The following ZNF43 variants were observed in gnomAD, a reference collection of about 807,000 sequenced individuals.
ZNF43 encodes the protein zinc finger protein 39-like 1 (KOX 27).
In ZNF43, 44 loss-of-function variants were observed where a neutral mutation model predicts 68.4. The observed-to-expected ratio is 0.64, with a 90% CI of 0.51 to 0.83. ZNF43 has a LOEUF of 0.83. Ranked by LOEUF, ZNF43 falls within the 40% of genes least tolerant of loss-of-function variation. The pLI, the probability that ZNF43 is intolerant of heterozygous loss-of-function variation, is 0.00. For missense variants in ZNF43, 896 were observed against 933.2 expected (o/e 0.96, Z 0.52); for synonymous variants, 308 against 307.8 (o/e 1.00, Z -0.01).
At chr19:21,826,262 T>C (rs2038116055) in intron 1 of ZNF43, among the ~76,000 whole-genome samples, 1 of 152,138 alleles carries the variant, frequency 6.6e-6, no homozygotes. Flanking sequence ...AAGTTTCCTC[T>C]AGATTAAAGG....
chr19:21,807,581 T>C lies in ZNF43; in HGVS notation c.*26A>G. 1 of 1,507,558 alleles carries C rather than the reference T, an allele frequency of 6.6e-7. No homozygotes were observed. Among genetic ancestry groups the C allele is most frequent in the Non-Finnish European group, 8.9e-7 (1 of 1,128,910 alleles). The allele number at this position is 1,507,558 out of a possible 1,614,324, so 93.4% of individuals were successfully genotyped here. A position where few individuals can be genotyped will look rare whatever the true frequency, so the allele number is the denominator to read the frequency against. On this transcript the variant is annotated 3_prime_UTR_variant, in exon 4 of 4. Coordinates refer to ENST00000354959, the MANE Select transcript of ZNF43 (RefSeq NM_003423.4). ...TAAAGCCTTTATCACATTCTTTACATTTCTAGAATTTCTCACCAGTATAAT... is the reference window on the plus strand; with the variant it reads ...TAAAGCCTTTATCACATTCTTTACACTTCTAGAATTTCTCACCAGTATAAT...
chr19:21,808,272 T>A lies in ZNF43; in HGVS notation c.1765A>T (p.Thr589Ser). ...SNLTTHKKIH[T>S]GEKFYKCEEC... is the part of the protein sequence containing the mutation. Reference sequence around the variant, plus strand: ...TCACATTTGTAGAATTTCTCTCCAGTATGAATTTTCTTATGTGTAGTAAGG... The same window carrying A: ...TCACATTTGTAGAATTTCTCTCCAGAATGAATTTTCTTATGTGTAGTAAGG... Residue 589 changes from threonine to serine, a missense_variant, in exon 4 of 4, where the codon ACT (threonine) becomes TCT (serine). Transcript: ENST00000354959. 6.2e-7 allele frequency: 1 copy of A among 1,613,604 alleles called. No individual in the cohort carries two copies. The highest frequency in any genetic ancestry group is 8.5e-7 in the Non-Finnish European group (1 of 1,179,844).
chr19:21,834,353 A>AAG (rs2038581380), intron 1 of ZNF43, among the ~76,000 whole-genome samples: 1 of 145,946 alleles, frequency 6.9e-6, no homozygotes, highest in African/African-American at 2.5e-5. Flanking sequence ...AAAAAAAAAA[A>AAG]GTAAAGAAAA....
intron 3 of ZNF43, among the ~76,000 whole-genome samples, chr19:21,815,121 G>T (rs575056759): frequency 6.6e-6 from 1 of 151,752 alleles, no homozygotes; most frequent in East Asian, 1.9e-4. Context: ...CTGGAGGGGC[G>T]GAGGTTGCAG....
chr19:21,832,358 C>T (rs150508579), intron 1 of ZNF43, among the ~76,000 whole-genome samples: 5 of 152,212 alleles, frequency 3.3e-5, no homozygotes, highest in African/African-American at 4.8e-5. Context: ...GCTTTTCTTA[C>T]ACCATATACA....
chr19:21,844,186 G>A (rs1967742162), intron 1 of ZNF43, among the ~76,000 whole-genome samples: 1 of 151,668 alleles, frequency 6.6e-6, no homozygotes, highest in South Asian at 2.1e-4. Flanking sequence ...TGACCAACAT[G>A]GTAAAACCTT....
At chr19:21,850,693 G>C (rs1006770584) in intron 1 of ZNF43, among the ~76,000 whole-genome samples, 4 of 152,208 alleles carry the variant, frequency 2.6e-5, no homozygotes, top group African/African-American at 7.2e-5. Context: ...TAACCTGAGA[G>C]CAGGGCTTAG....
chr19:21,827,769 C>T (rs556938019), intron 1 of ZNF43, among the ~76,000 whole-genome samples: 1 of 151,234 alleles, frequency 6.6e-6, no homozygotes, highest in African/African-American at 2.4e-5. Flanking sequence ...TCAAGCAATT[C>T]TCCTGTCTCA....
upstream of ZNF43, chr19:21,839,624 T>C (rs1004471089): frequency 2.0e-5 from 3 of 152,160 alleles, no homozygotes; most frequent in African/African-American, 7.2e-5. Context: ...GTCACTCTCT[T>C]TTATGGGAGC....
At chr19:21,823,905 C>G (rs973387016) in intron 1 of ZNF43, among the ~76,000 whole-genome samples, 2 of 152,072 alleles carry the variant, frequency 1.3e-5, no homozygotes, top group African/African-American at 4.8e-5. Flanking sequence ...AACTGCCTGG[C>G]CAGGCGCAGT....
At chr19:21,827,143 G>A (rs997863589) in intron 1 of ZNF43, 1 of 152,010 alleles carries the variant, frequency 6.6e-6, no homozygotes, top group Non-Finnish European at 1.5e-5. Context: ...CAAGAAACAT[G>A]AGCATTATGA....
intron 1 of ZNF43, among the ~76,000 whole-genome samples, chr19:21,846,430 T>C (rs1227738184): frequency 6.6e-6 from 1 of 152,066 alleles, no homozygotes; most frequent in African/African-American, 2.4e-5. Flanking sequence ...CAACCCAGGC[T>C]CAAAGATATA....
chr19:21,838,597 C>G (rs1967284271), upstream of ZNF43, among the ~76,000 whole-genome samples: 1 of 151,770 alleles, frequency 6.6e-6, no homozygotes, highest in Admixed American at 6.6e-5. Context: ...ACGGGGTTTC[C>G]CCATGTTGGC....
At chr19:21,815,977 G>A (rs556658626) in intron 3 of ZNF43, among the ~76,000 whole-genome samples, 1 of 151,540 alleles carries the variant, frequency 6.6e-6, no homozygotes, top group Non-Finnish European at 1.5e-5. Context: ...AGCAGAATCA[G>A]TTGAAACTGG....
intron 1 of ZNF43, among the ~76,000 whole-genome samples, chr19:21,848,245 G>C (rs1027975194): frequency 6.6e-6 from 1 of 152,172 alleles, no homozygotes; most frequent in South Asian, 2.1e-4. Flanking sequence ...CCAGATTCAA[G>C]TGATTCTCTT....
chr19:21,819,308 G>C, intron 1 of ZNF43, 87 bp from the exon 2 acceptor site: 1 of 1,453,112 alleles, frequency 6.9e-7, no homozygotes, highest in South Asian at 1.5e-5. Context: ...AAGGTAAAAT[G>C]AGAGAGTAAA....
At chr19:21,825,686 G>A (rs2038084381) in intron 1 of ZNF43, among the ~76,000 whole-genome samples, 1 of 152,100 alleles carries the variant, frequency 6.6e-6, no homozygotes, top group Non-Finnish European at 1.5e-5. Context: ...CAATGCACAC[G>A]TTACTTTGAT....
At chr19:21,841,979 C>T (rs1004691224) in intron 1 of ZNF43, among the ~76,000 whole-genome samples, 3 of 152,190 alleles carry the variant, frequency 2.0e-5, no homozygotes, top group Admixed American at 1.3e-4. Context: ...TGTGACTCTC[C>T]TGCATGGGCC....
At chr19:21,834,289 G>A (rs1380747630) in intron 1 of ZNF43, among the ~76,000 whole-genome samples, 11 of 136,374 alleles carry the variant, frequency 8.1e-5, no homozygotes, top group African/African-American at 3.1e-4. Flanking sequence ...AGTGAGCAGA[G>A]ATCACATCAC....
Sources: allele counts gnomAD v4.1 joint callset (sites outside exome capture counted in the v4.1 genomes callset), GRCh38; gene constraint gnomAD v4.1.1; transcripts MANE v1.5; gene names NCBI Gene and HGNC (gene_info 2026-07-23, HGNC 2026-07-21).